Variants in NTNG1 observed in about 807,000 individuals in gnomAD.
The protein encoded by NTNG1 is netrin G1, also known as netrin-G1.
Under a neutral mutation model 54.0 loss-of-function variants are expected in NTNG1, and 16 were observed. That is an observed-to-expected ratio of 0.30 (90% CI 0.20 to 0.45). NTNG1 has a LOEUF of 0.45. Among genes scored for constraint, NTNG1 ranks in the 20% least tolerant of loss-of-function variants. The probability of loss-of-function intolerance (pLI) is 1.00; values close to 1 mark genes in which losing one functional copy is unlikely to be tolerated. For synonymous variants in NTNG1, 255 were observed against 263.1 expected (o/e 0.97, Z 0.30); for missense variants, 530 against 678.7 (o/e 0.78, Z 2.43).
At chr1:107,456,789 C>G (rs1281899173) in intron 7 of NTNG1, among the ~76,000 whole-genome samples, 3 of 152,192 alleles carry the variant, frequency 2.0e-5, no homozygotes. Context: ...GATGCAAGAC[C>G]TCAGTCCCCA....
Position 107,324,272 on chromosome 1 carries a change from T to C in NTNG1, c.247-10T>C. ...GTTTTGATGCACGCTCTTTTGTTCT[T>C]CTTCCATAGGGCAATCCCTACATGT... On this transcript the variant is annotated splice_polypyrimidine_tract_variant and intron_variant, in intron 2 of 7. Transcript: ENST00000370068. The C allele has an allele frequency of 6.2e-7, 1 of 1,608,740 alleles. No individual in the cohort carries two copies. The highest frequency in any genetic ancestry group is 8.5e-7 in the Non-Finnish European group (1 of 1,175,866).
At chr1:107,251,255 C>T (rs1662586335) in intron 2 of NTNG1, among the ~76,000 whole-genome samples, 1 of 152,166 alleles carries the variant, frequency 6.6e-6, no homozygotes, top group Admixed American at 6.5e-5. Context: ...CTGAAATGTG[C>T]ATAATAGAAT....
At chr1:107,147,361 T>C (rs1654201126) in intron 1 of NTNG1, among the ~76,000 whole-genome samples, 1 of 152,226 alleles carries the variant, frequency 6.6e-6, no homozygotes, top group East Asian at 1.9e-4. Flanking sequence ...TCTCTTCTGT[T>C]ACAAAAAGTA....
chr1:107,290,984 T>TATATATATATATATATATACACAC (rs1160371267), intron 2 of NTNG1, among the ~76,000 whole-genome samples: 1 of 140,024 alleles, frequency 7.1e-6, no homozygotes, highest in African/African-American at 2.8e-5. Context: ...TATATATATA[T>TATATATATATATATATATACACAC]ACACACACAC....
intron 2 of NTNG1, among the ~76,000 whole-genome samples, chr1:107,268,890 A>G (rs999507193): frequency 2.0e-5 from 3 of 151,982 alleles, no homozygotes; most frequent in African/African-American, 4.8e-5. Context: ...ATCACATCCA[A>G]TTTATCAACA....
chr1:107,376,490 A>G (rs1557946150), intron 3 of NTNG1, among the ~76,000 whole-genome samples: 1 of 152,192 alleles, frequency 6.6e-6, no homozygotes. Flanking sequence ...AGGCATTAAG[A>G]AAATTGTCCA....
At chr1:107,172,685 A>T (rs1198430604) in intron 2 of NTNG1, among the ~76,000 whole-genome samples, 3 of 152,176 alleles carry the variant, frequency 2.0e-5, no homozygotes. Context: ...AAGTTGTCTT[A>T]AAAGGAAATG....
intron 2 of NTNG1, among the ~76,000 whole-genome samples, chr1:107,226,834 G>C (rs1177363896): frequency 6.6e-6 from 1 of 152,064 alleles, no homozygotes. Context: ...TGCTGTGCAG[G>C]CTTGTGTGAA....
chr1:107,333,820 T>C (rs903284189), intron 3 of NTNG1: 3 of 74,632 alleles, frequency 4.0e-5, no homozygotes, highest in African/African-American at 1.5e-4. Flanking sequence ...AGAGTATCTC[T>C]TTTTTTTTTT....
intron 7 of NTNG1, among the ~76,000 whole-genome samples, chr1:107,461,724 G>A (rs1005806533): frequency 2.0e-5 from 3 of 151,860 alleles, no homozygotes; most frequent in African/African-American, 7.3e-5. Flanking sequence ...AGTAAAGACA[G>A]GGTTTCACCA....
chr1:107,362,880 G>A (rs1371787938), intron 3 of NTNG1, among the ~76,000 whole-genome samples: 1 of 151,980 alleles, frequency 6.6e-6, no homozygotes. Flanking sequence ...TTTTTATTTT[G>A]GCTGATTACT....
chr1:107,475,557 C>T (rs1678262602), intron 7 of NTNG1, among the ~76,000 whole-genome samples: 1 of 152,272 alleles, frequency 6.6e-6, no homozygotes, highest in African/African-American at 2.4e-5. Flanking sequence ...ATAATCCACT[C>T]TTACATTTCC....
intron 5 of NTNG1, chr1:107,418,763 T>C: frequency 1.6e-6 from 1 of 611,310 alleles, no homozygotes; most frequent in Non-Finnish European, 2.9e-6. Context: ...TTTGAAAGAA[T>C]CATAATTCAA....
intron 2 of NTNG1, among the ~76,000 whole-genome samples, chr1:107,171,895 C>G (rs547968461): frequency 1.7e-5 from 1 of 57,284 alleles, no homozygotes; most frequent in South Asian, 6.1e-4. Context: ...GATTTTTTCC[C>G]CTTTTTTTTT....
rs987199860 is a variant in NTNG1, at chr1:107,406,680, A to G, written c.1061-1002A>G. Among the ~76,000 whole-genome samples the G allele has an allele frequency of 8.5e-5, 13 of 152,160 alleles. No individual in the cohort carries two copies. In the East Asian group the frequency reaches 2.5e-3, roughly 29 times the overall value. On this transcript the variant is annotated intron_variant, in intron 4 of 7. Coordinates refer to ENST00000370068, the MANE Select transcript of NTNG1 (RefSeq NM_001113226.3). ...CATAATGTTGCTTGGTGAATGAGCT[A>G]TAACAATAATAGTAATCATCGCAAA...
chr1:107,150,306 A>G (rs760294329), intron 2 of NTNG1, among the ~76,000 whole-genome samples: 3 of 152,182 alleles, frequency 2.0e-5, no homozygotes, highest in Non-Finnish European at 2.9e-5. Flanking sequence ...TAGCAAAATC[A>G]TAATAAATCA....
chr1:107,254,305 T>C (rs1011940897), intron 2 of NTNG1, among the ~76,000 whole-genome samples: 8 of 152,374 alleles, frequency 5.3e-5, no homozygotes, highest in Admixed American at 1.3e-4. Context: ...ACCAGCTGGA[T>C]TGTAAAATTG....
At chr1:107,175,611 T>G (rs1230257249) in intron 2 of NTNG1, among the ~76,000 whole-genome samples, 3 of 147,616 alleles carry the variant, frequency 2.0e-5, no homozygotes, top group Non-Finnish European at 4.5e-5. Context: ...GTGTGTTTTG[T>G]TTTTTTTTTT....
intron 7 of NTNG1, among the ~76,000 whole-genome samples, chr1:107,467,403 C>T (rs1420939602): frequency 6.6e-6 from 1 of 152,222 alleles, no homozygotes; most frequent in African/African-American, 2.4e-5. Flanking sequence ...TTCTGTGACT[C>T]TGACAGTCTA....
Sources: gnomAD v4.1 joint callset for allele counts (sites outside exome capture counted in the v4.1 genomes callset) on GRCh38, gnomAD v4.1.1 for gene constraint, MANE v1.5 for transcripts, NCBI Gene and HGNC (gene_info 2026-07-23, HGNC 2026-07-21) for gene names.